Variants in GPR39 observed in about 807,000 individuals in gnomAD.
The protein encoded by GPR39 is zinc sensing receptor.
A neutral mutation model predicts 18.4 loss-of-function variants in GPR39; 23 were observed. The observed-to-expected ratio is 1.25, with a 90% CI of 0.90 to 1.77. The LOEUF (loss-of-function observed/expected upper bound fraction) is 1.77, where lower values mean the gene tolerates loss of function less well. Among genes scored for constraint, GPR39 ranks in the 40% most tolerant of loss-of-function variants. The pLI, the probability that GPR39 is intolerant of heterozygous loss-of-function variation, is 0.00. For missense variants in GPR39, 647 were observed against 602.4 expected (o/e 1.07, Z -0.78); for synonymous variants, 280 against 257.9 (o/e 1.09, Z -0.82).
chr2:132,524,239 G>A (rs1051332619), intron 1 of GPR39, among the ~76,000 whole-genome samples: 3 of 152,218 alleles, frequency 2.0e-5, no homozygotes, highest in Admixed American at 2.0e-4. Context: ...GAGTTTCCCT[G>A]GTAATTATTC....
At chr2:132,458,148 A>G (rs1369701378) in intron 1 of GPR39, among the ~76,000 whole-genome samples, 1 of 152,120 alleles carries the variant, frequency 6.6e-6, no homozygotes, top group Middle Eastern at 3.4e-3. Flanking sequence ...CCACTGTCCA[A>G]CCAGTCCCAA....
chr2:132,557,087 G>T (rs555366432), intron 1 of GPR39, among the ~76,000 whole-genome samples: 4 of 152,070 alleles, frequency 2.6e-5, no homozygotes, highest in African/African-American at 7.2e-5. Flanking sequence ...AGGCCAAGGG[G>T]GGGGGCAGAT....
intron 1 of GPR39, among the ~76,000 whole-genome samples, chr2:132,430,927 G>A (rs945975569): frequency 2.0e-5 from 3 of 152,046 alleles, no homozygotes; most frequent in Admixed American, 6.6e-5. Flanking sequence ...TATATCCCTG[G>A]ACTTCCCCTT....
intron 1 of GPR39, among the ~76,000 whole-genome samples, chr2:132,521,002 C>G (rs1679415217): frequency 6.6e-6 from 1 of 152,326 alleles, no homozygotes; most frequent in East Asian, 1.9e-4. Flanking sequence ...TCTTTCCCAT[C>G]TAACAAGAAG....
intron 1 of GPR39, among the ~76,000 whole-genome samples, chr2:132,545,861 C>T (rs1003870292): frequency 1.3e-5 from 2 of 152,144 alleles, no homozygotes; most frequent in Non-Finnish European, 2.9e-5. Context: ...GTTTGCGTAA[C>T]AAGAGACAAT....
intron 1 of GPR39, among the ~76,000 whole-genome samples, chr2:132,460,260 C>A (rs1005959181): frequency 3.3e-5 from 5 of 152,170 alleles, no homozygotes; most frequent in Admixed American, 2.6e-4. Flanking sequence ...CATTTAAGGT[C>A]ATACATCCTA....
At chr2:132,633,336 CTCTGTG>C (rs1207993443) in intron 1 of GPR39, among the ~76,000 whole-genome samples, 3 of 117,380 alleles carry the variant, frequency 2.6e-5, no homozygotes, top group South Asian at 3.1e-4. Context: ...CTCCAAATAC[CTCTGTG>C]TGTGTGTGTG....
chr2:132,485,079 C>T (rs753880077), intron 1 of GPR39, among the ~76,000 whole-genome samples: 5 of 152,152 alleles, frequency 3.3e-5, no homozygotes, highest in Non-Finnish European at 7.3e-5. Context: ...TTGGAGACAT[C>T]GCAGGTTCAA....
At chr2:132,482,951 C>T (rs1160185360) in intron 1 of GPR39, among the ~76,000 whole-genome samples, 2 of 152,046 alleles carry the variant, frequency 1.3e-5, no homozygotes, top group Non-Finnish European at 2.9e-5. Context: ...TGTTAAGTAC[C>T]ACAATAATAT....
chr2:132,419,050 T>C (rs1679961908), intron 1 of GPR39, among the ~76,000 whole-genome samples: 1 of 152,180 alleles, frequency 6.6e-6, no homozygotes, highest in African/African-American at 2.4e-5. Flanking sequence ...GACCAGCCCC[T>C]GGCTTCCAGT....
intron 1 of GPR39, among the ~76,000 whole-genome samples, chr2:132,436,156 GAGC>G (rs10558042): frequency 0.39 from 59,057 of 151,752 alleles, 12,485 homozygotes; most frequent in African/African-American, 0.57. Context: ...GGAAGAGCAA[GAGC>G]AGCAGCTCCA....
chr2:132,442,791 G>A (rs1370898399), intron 1 of GPR39, among the ~76,000 whole-genome samples: 2 of 152,130 alleles, frequency 1.3e-5, no homozygotes, highest in Middle Eastern at 3.4e-3. Context: ...TTGTGGTTTC[G>A]GAGATATTCA....
intron 1 of GPR39, among the ~76,000 whole-genome samples, chr2:132,533,533 G>A (rs542441885): frequency 4.6e-5 from 7 of 150,556 alleles, no homozygotes; most frequent in South Asian, 4.3e-4. Flanking sequence ...AGCCCGCATT[G>A]CCAAGTCAAT....
At chr2:132,612,370 T>G (rs1681252463) in intron 1 of GPR39, among the ~76,000 whole-genome samples, 1 of 151,016 alleles carries the variant, frequency 6.6e-6, no homozygotes, top group Non-Finnish European at 1.5e-5. Flanking sequence ...TTACATTTTT[T>G]GACACTGTGG....
chr2:132,521,549 C>A (rs1265842539), intron 1 of GPR39, among the ~76,000 whole-genome samples: 2 of 152,170 alleles, frequency 1.3e-5, no homozygotes, highest in Non-Finnish European at 2.9e-5. Context: ...TCCAGGCCTT[C>A]AGATCCAGAA....
intron 1 of GPR39, among the ~76,000 whole-genome samples, chr2:132,562,900 A>G (rs919301741): frequency 6.6e-5 from 10 of 152,170 alleles, no homozygotes; most frequent in Admixed American, 5.2e-4. Context: ...CTAAAGTACC[A>G]TATATGCTGT....
intron 1 of GPR39, among the ~76,000 whole-genome samples, chr2:132,563,898 C>T (rs1157323346): frequency 6.6e-6 from 1 of 152,160 alleles, no homozygotes; most frequent in Non-Finnish European, 1.5e-5. Context: ...GCCTGGGTCC[C>T]CCCACCCCAA....
At chr2:132,477,891 T>G (rs1681158279) in intron 1 of GPR39, among the ~76,000 whole-genome samples, 1 of 152,248 alleles carries the variant, frequency 6.6e-6, no homozygotes, top group Admixed American at 6.5e-5. Flanking sequence ...AAACACTGAT[T>G]AGTGAACTTA....
At chr2:132,493,432 T>TAC (rs1202391874) in intron 1 of GPR39, among the ~76,000 whole-genome samples, 1 of 146,412 alleles carries the variant, frequency 6.8e-6, no homozygotes, top group Non-Finnish European at 1.5e-5. Context: ...ACGCCATATA[T>TAC]ACACACACCA....
Sources: allele counts gnomAD v4.1 joint callset (sites outside exome capture counted in the v4.1 genomes callset), GRCh38; gene constraint gnomAD v4.1.1; transcripts MANE v1.5; gene names NCBI Gene and HGNC (gene_info 2026-07-23, HGNC 2026-07-21).